Variants in GPC5 observed in about 807,000 individuals in gnomAD.
The protein encoded by GPC5 is glypican 5.
A neutral mutation model predicts 53.9 loss-of-function variants in GPC5; 47 were observed. The ratio of observed to expected loss-of-function variants is 0.87; its 90% confidence interval spans 0.69 to 1.11. GPC5 has a LOEUF of 1.11. Among genes scored for constraint, GPC5 ranks in the 50% most tolerant of loss-of-function variants. GPC5 has a pLI of 0.00. For synonymous variants in GPC5, 286 were observed against 263.3 expected, an observed-to-expected ratio of 1.09 and a Z score of -0.84; for missense variants, 748 against 713.1, an observed-to-expected ratio of 1.05 and a Z score of -0.56.
intron 7 of GPC5, among the ~76,000 whole-genome samples, chr13:92,430,509 C>A (rs1229807753): frequency 2.0e-5 from 3 of 151,300 alleles, no homozygotes; most frequent in Non-Finnish European, 4.5e-5. Flanking sequence ...CATGTGTTTA[C>A]TTGAAACAGA....
intron 5 of GPC5, among the ~76,000 whole-genome samples, chr13:91,825,816 A>G (rs947654757): frequency 2.0e-5 from 3 of 152,096 alleles, no homozygotes; most frequent in African/African-American, 4.8e-5. Flanking sequence ...TGAAAGAGGA[A>G]TTTAATAAAG....
intron 7 of GPC5, chr13:92,449,023 T>G (rs1877948406): frequency 6.6e-6 from 1 of 151,158 alleles, no homozygotes; most frequent in African/African-American, 2.4e-5. Flanking sequence ...TTCAAGGCAG[T>G]TCTGGTAACT....
chr13:92,675,829 G>C (rs926730488), intron 7 of GPC5, among the ~76,000 whole-genome samples: 1 of 152,050 alleles, frequency 6.6e-6, no homozygotes, highest in Non-Finnish European at 1.5e-5. Flanking sequence ...CAAGCAGGAG[G>C]TGCTTCTGGA....
intron 7 of GPC5, among the ~76,000 whole-genome samples, chr13:92,643,932 C>G (rs1390540258): frequency 6.6e-6 from 1 of 152,088 alleles, no homozygotes; most frequent in Non-Finnish European, 1.5e-5. Flanking sequence ...TTTATGAACA[C>G]TAAGGAAAAT....
intron 2 of GPC5, among the ~76,000 whole-genome samples, chr13:91,536,489 A>G (rs1017343194): frequency 6.6e-6 from 1 of 152,172 alleles, no homozygotes; most frequent in African/African-American, 2.4e-5. Flanking sequence ...GACATTATTT[A>G]AAAGGTTTAT....
chr13:91,997,574 A>G (rs2040515283), intron 6 of GPC5, among the ~76,000 whole-genome samples: 1 of 152,152 alleles, frequency 6.6e-6, no homozygotes, highest in Non-Finnish European at 1.5e-5. Context: ...ACAGGAGTGC[A>G]GTGGCGTGAT....
At chr13:92,742,576 T>C (rs1278314769) in intron 7 of GPC5, among the ~76,000 whole-genome samples, 1 of 150,436 alleles carries the variant, frequency 6.6e-6, no homozygotes, top group African/African-American at 2.4e-5. Context: ...GCAGAAGCTC[T>C]TTAGTTTAAT....
intron 5 of GPC5, among the ~76,000 whole-genome samples, chr13:91,814,553 A>AG (rs2038370207): frequency 1.3e-5 from 2 of 151,584 alleles, no homozygotes; most frequent in Non-Finnish European, 2.9e-5. Flanking sequence ...TTATTTATTT[A>AG]TTTTGAGACA....
chr13:91,426,533 T>A (rs1198328900), intron 1 of GPC5, among the ~76,000 whole-genome samples: 1 of 152,054 alleles, frequency 6.6e-6, no homozygotes, highest in Non-Finnish European at 1.5e-5. Flanking sequence ...AACCTAAAAG[T>A]AGGGAAGCCA....
At chr13:92,181,890 T>G (rs891552118) in intron 7 of GPC5, among the ~76,000 whole-genome samples, 11 of 152,160 alleles carry the variant, frequency 7.2e-5, no homozygotes, top group Non-Finnish European at 1.2e-4. Context: ...AATAAGAACT[T>G]GAACAGAAGA....
chr13:92,133,024 G>C (rs2041756887), intron 6 of GPC5, among the ~76,000 whole-genome samples: 1 of 151,842 alleles, frequency 6.6e-6, no homozygotes. Context: ...ACATTTATTA[G>C]TCTCAACAAG....
intron 7 of GPC5, among the ~76,000 whole-genome samples, chr13:92,595,301 A>T (rs995532589): frequency 1.3e-5 from 2 of 152,250 alleles, no homozygotes; most frequent in Non-Finnish European, 2.9e-5. Flanking sequence ...CAATAAAATC[A>T]GCCAGTATTC....
chr13:92,578,868 G>GT, intron 7 of GPC5, among the ~76,000 whole-genome samples: 1 of 152,136 alleles, frequency 6.6e-6, no homozygotes, highest in Non-Finnish European at 1.5e-5. Flanking sequence ...ACGGATTCAA[G>GT]TAATAGGCTT....
chr13:92,319,332 A>G (rs905433097), intron 7 of GPC5, among the ~76,000 whole-genome samples: 1 of 151,752 alleles, frequency 6.6e-6, no homozygotes, highest in African/African-American at 2.4e-5. Flanking sequence ...TAAAAACATC[A>G]GGAATCTTAA....
At chr13:92,258,740 G>C (rs2139138390) in intron 7 of GPC5, among the ~76,000 whole-genome samples, 1 of 152,218 alleles carries the variant, frequency 6.6e-6, no homozygotes, top group Non-Finnish European at 1.5e-5. Context: ...AATCAATTTT[G>C]TGACTTCCTG....
intron 7 of GPC5, among the ~76,000 whole-genome samples, chr13:92,717,570 C>T (rs1888373059): frequency 6.6e-6 from 1 of 152,184 alleles, no homozygotes; most frequent in African/African-American, 2.4e-5. Flanking sequence ...CTTTCTCCTT[C>T]TTCTCCTACC....
chr13:91,873,826 G>A (rs1485585695), intron 5 of GPC5, among the ~76,000 whole-genome samples: 2 of 152,114 alleles, frequency 1.3e-5, no homozygotes, highest in African/African-American at 4.8e-5. Flanking sequence ...GGACCACAGA[G>A]GCACACTACA....
chr13:91,789,171 C>T (rs947645152), intron 5 of GPC5, among the ~76,000 whole-genome samples: 2 of 151,950 alleles, frequency 1.3e-5, no homozygotes, highest in Non-Finnish European at 2.9e-5. Flanking sequence ...CAAGATCGTG[C>T]CACTGCACTC....
rs117899168 is a variant in GPC5, at chr13:92,604,715, C to T, written c.1562-261567C>T. On this transcript the variant is annotated intron_variant, in intron 7 of 7. Coordinates refer to ENST00000377067, the MANE Select transcript of GPC5 (RefSeq NM_004466.6). The stretch of plus-strand genomic sequence containing the variant: ...TATATAGTGTATTAAAAGTCCAACA[C>T]TTCAAAGGAATTTTATTTCAGTATT... 8.5e-5 allele frequency among the ~76,000 whole-genome samples: 13 copies of T among 152,274 alleles called. No homozygotes were observed. The East Asian group carries it at 2.5e-3, about 29-fold the overall frequency.
Sources: allele counts gnomAD v4.1 joint callset (sites outside exome capture counted in the v4.1 genomes callset), GRCh38; gene constraint gnomAD v4.1.1; transcripts MANE v1.5; gene names NCBI Gene and HGNC (gene_info 2026-07-23, HGNC 2026-07-21).